PPA2: variants seen among roughly 807,000 people sequenced by gnomAD.
The protein encoded by PPA2 is inorganic pyrophosphatase 2, also known as inorganic pyrophosphatase 2, mitochondrial.
Under a neutral mutation model 49.5 loss-of-function variants are expected in PPA2, and 48 were observed. That is an observed-to-expected ratio of 0.97 (90% CI 0.77 to 1.23). The LOEUF (loss-of-function observed/expected upper bound fraction) is 1.23. Ranked by LOEUF, PPA2 falls within the 50% of genes most tolerant of loss-of-function variation. The pLI is 0.00. For missense variants in PPA2, 429 were observed against 410.1 expected, an observed-to-expected ratio of 1.05 and a Z score of -0.40; for synonymous variants, 131 against 139.9, an observed-to-expected ratio of 0.94 and a Z score of 0.45.
intron 9 of PPA2, among the ~76,000 whole-genome samples, chr4:105,387,319 T>G (rs923383637): frequency 6.6e-6 from 1 of 152,118 alleles, no homozygotes; most frequent in African/African-American, 2.4e-5. Flanking sequence ...ACAGGCAGAT[T>G]AAAATGGATA....
chr4:105,421,104 A>C (rs913171383), intron 7 of PPA2, among the ~76,000 whole-genome samples: 7 of 152,208 alleles, frequency 4.6e-5, no homozygotes, highest in African/African-American at 1.7e-4. Flanking sequence ...CTGGGCAGTT[A>C]AGAGTTATTG....
Position 105,473,888 on chromosome 4 carries a change from A to G in PPA2, c.157+6T>C. The G allele has an allele frequency of 6.3e-7, 1 of 1,594,394 alleles. No homozygotes were observed. The highest frequency in any genetic ancestry group is 8.6e-7 in the Non-Finnish European group (1 of 1,168,742). On this transcript the variant is annotated splice_donor_region_variant and intron_variant, in intron 1 of 11. Coordinates refer to ENST00000341695, the MANE Select transcript of PPA2 (RefSeq NM_176869.3). Reference sequence around the variant, plus strand: ...GCCGCTCGGCGAACCTCCGGGAGCTACTTACTAAAGAAGAGGCGGTAATTC... The same window carrying G: ...GCCGCTCGGCGAACCTCCGGGAGCTGCTTACTAAAGAAGAGGCGGTAATTC...
intron 8 of PPA2, among the ~76,000 whole-genome samples, chr4:105,397,113 A>T (rs1734181819): frequency 6.6e-6 from 1 of 152,178 alleles, no homozygotes; most frequent in African/African-American, 2.4e-5. Context: ...TTTCCCAAAA[A>T]TTGTTGTTTG....
chr4:105,420,381 C>T (rs1327389493), intron 7 of PPA2, among the ~76,000 whole-genome samples: 1 of 152,284 alleles, frequency 6.6e-6, no homozygotes, highest in East Asian at 1.9e-4. Context: ...TGTTGGGTTA[C>T]TGGTGCGAGC....
intron 9 of PPA2, among the ~76,000 whole-genome samples, chr4:105,389,445 T>C (rs1733814246): frequency 7.5e-6 from 1 of 134,144 alleles, no homozygotes; most frequent in African/African-American, 3.0e-5. Context: ...TAAACGAAAC[T>C]TAAAAAAAAA....
At chr4:105,379,227 A>C (rs1400146447) in intron 10 of PPA2, among the ~76,000 whole-genome samples, 2 of 152,070 alleles carry the variant, frequency 1.3e-5, no homozygotes, top group African/African-American at 2.4e-5. Flanking sequence ...TACTTTTGCC[A>C]GAGTTATTCC....
chr4:105,436,281 T>C (rs2866885), intron 6 of PPA2, among the ~76,000 whole-genome samples: 1,603 of 151,740 alleles, frequency 0.011, 30 homozygotes, highest in African/African-American at 0.034. Context: ...GTAAAACATC[T>C]CTGCAAGAAC....
chr4:105,374,947 C>G (rs1031033404), intron 10 of PPA2, among the ~76,000 whole-genome samples: 2 of 150,976 alleles, frequency 1.3e-5, no homozygotes, highest in African/African-American at 2.4e-5. Flanking sequence ...CCGCCTCGGT[C>G]TCCTTAAGTG....
chr4:105,471,828 G>A (rs1173032491), intron 1 of PPA2, among the ~76,000 whole-genome samples: 2 of 152,066 alleles, frequency 1.3e-5, no homozygotes, highest in African/African-American at 4.8e-5. Flanking sequence ...TCTTACCATC[G>A]GGACCCTCTC....
At chr4:105,462,824 G>A (rs1243460933) in intron 1 of PPA2, among the ~76,000 whole-genome samples, 1 of 152,168 alleles carries the variant, frequency 6.6e-6, no homozygotes, top group Non-Finnish European at 1.5e-5. Flanking sequence ...AGAAGGGGTA[G>A]TGTTCCTGCA....
chr4:105,370,492 T>TA (rs775131235), intron 11 of PPA2: 4 of 599,268 alleles, frequency 6.7e-6, no homozygotes, highest in Non-Finnish European at 8.4e-6. Flanking sequence ...AGTGATTCAT[T>TA]AAAAAAAGAT....
chr4:105,455,757 G>T (rs903841406), intron 2 of PPA2, among the ~76,000 whole-genome samples: 1 of 152,126 alleles, frequency 6.6e-6, no homozygotes, highest in Non-Finnish European at 1.5e-5. Context: ...TAACACCAGG[G>T]TCAAACAACC....
intron 1 of PPA2, among the ~76,000 whole-genome samples, chr4:105,471,709 C>T (rs906193547): frequency 5.9e-5 from 9 of 152,124 alleles, no homozygotes; most frequent in Non-Finnish European, 7.4e-5. Context: ...AGAGTGGCTT[C>T]GTTTCACTTT....
chr4:105,468,940 G>C (rs1723416154), intron 1 of PPA2, among the ~76,000 whole-genome samples: 2 of 152,170 alleles, frequency 1.3e-5, no homozygotes, highest in African/African-American at 4.8e-5. Flanking sequence ...TTCTGCAGCA[G>C]CTCGGCTTTT....
rs146525645 is a variant in PPA2 at position 105,381,135 on chromosome 4, A to T, written c.939+5432T>A. Among the ~76,000 whole-genome samples the T allele has an allele frequency of 3.9e-3, 594 of 152,214 alleles. 24 individuals are homozygous for T. The highest frequency in any genetic ancestry group is 0.037 in the Admixed American group (561 of 15,288). ...TTTTATTTTGATCCCACTGATTACAAGTAAGATAAAGCAAATTATGATGTT... is the reference window on the plus strand; with the variant it reads ...TTTTATTTTGATCCCACTGATTACATGTAAGATAAAGCAAATTATGATGTT... On this transcript the variant is annotated intron_variant, in intron 10 of 11. Coordinates refer to ENST00000341695, the MANE Select transcript of PPA2 (RefSeq NM_176869.3).
At chr4:105,408,039 C>T (rs545873847) in intron 7 of PPA2, among the ~76,000 whole-genome samples, 5 of 152,174 alleles carry the variant, frequency 3.3e-5, no homozygotes, top group African/African-American at 1.2e-4. Flanking sequence ...GAGAGAGAGT[C>T]CCAGCCCTGA....
chr4:105,465,412 A>T (rs984023799), intron 1 of PPA2, among the ~76,000 whole-genome samples: 2 of 152,178 alleles, frequency 1.3e-5, no homozygotes, highest in Admixed American at 1.3e-4. Context: ...CTCTATCCTC[A>T]GGCTGCAATA....
intron 10 of PPA2, among the ~76,000 whole-genome samples, chr4:105,377,797 A>ATG (rs1183780371): frequency 6.6e-6 from 1 of 152,140 alleles, no homozygotes; most frequent in Admixed American, 6.5e-5. Flanking sequence ...GTATGAAAAA[A>ATG]TGTGTATGAT....
intron 10 of PPA2, among the ~76,000 whole-genome samples, chr4:105,379,109 T>C (rs1733371795): frequency 6.6e-6 from 1 of 151,562 alleles, no homozygotes; most frequent in Non-Finnish European, 1.5e-5. Flanking sequence ...TGAAATACTA[T>C]ATTACATGCA....
Sources: gnomAD v4.1 joint callset for allele counts (sites outside exome capture counted in the v4.1 genomes callset) on GRCh38, gnomAD v4.1.1 for gene constraint, MANE v1.5 for transcripts, NCBI Gene and HGNC (gene_info 2026-07-23, HGNC 2026-07-21) for gene names.